Variants in RBFOX1 observed in about 807,000 individuals in gnomAD.
The protein encoded by RBFOX1 is RNA binding protein fox-1 homolog 1.
RBFOX1 carries 8 observed loss-of-function variants against 57.7 expected under a neutral mutation model. The observed-to-expected ratio is 0.14, with a 90% CI of 0.08 to 0.25. The LOEUF (loss-of-function observed/expected upper bound fraction) is 0.25, where lower values mean the gene tolerates loss of function less well. RBFOX1 is among the 10% of genes least tolerant of loss of function. The pLI, the probability that RBFOX1 is intolerant of heterozygous loss-of-function variation, is 1.00. For synonymous variants in RBFOX1, 326 were observed against 222.4 expected (o/e 1.47, Z -4.15); for missense variants, 611 against 548.5 (o/e 1.11, Z -1.14).
At chr16:7,030,571 T>G (rs1180861158) in intron 3 of RBFOX1, among the ~76,000 whole-genome samples, 1 of 152,182 alleles carries the variant, frequency 6.6e-6, no homozygotes, top group Non-Finnish European at 1.5e-5. Flanking sequence ...TGCTATTGTC[T>G]TTGTTTCTCT....
intron 2 of RBFOX1, among the ~76,000 whole-genome samples, chr16:5,483,358 C>T (rs1057308283): frequency 6.6e-6 from 1 of 152,238 alleles, no homozygotes. Flanking sequence ...CTGTCTGTGA[C>T]TGCTGCTCTT....
At chr16:6,125,979 A>G (rs983335661) in intron 1 of RBFOX1, among the ~76,000 whole-genome samples, 1 of 152,214 alleles carries the variant, frequency 6.6e-6, no homozygotes, top group Admixed American at 6.5e-5. Context: ...GTCTTCCATA[A>G]TAATTGCTTC....
At chr16:7,657,557 G>C (rs1430638094) in intron 12 of RBFOX1, among the ~76,000 whole-genome samples, 2 of 152,168 alleles carry the variant, frequency 1.3e-5, no homozygotes, top group Non-Finnish European at 2.9e-5. Flanking sequence ...CGCCCATCTG[G>C]GCCTCCCAAA....
intron 2 of RBFOX1, among the ~76,000 whole-genome samples, chr16:6,521,557 G>A (rs770668479): frequency 9.6e-4 from 135 of 140,844 alleles, no homozygotes; most frequent in Non-Finnish European, 1.5e-3. Flanking sequence ...TCCTTCCCTC[G>A]CTCTCTTTGT....
At chr16:7,699,732 A>C (rs1438040030) in intron 14 of RBFOX1, among the ~76,000 whole-genome samples, 1 of 151,320 alleles carries the variant, frequency 6.6e-6, no homozygotes, top group Non-Finnish European at 1.5e-5. Flanking sequence ...AAATGAGTTC[A>C]CCTTTTTTTT....
intron 4 of RBFOX1, among the ~76,000 whole-genome samples, chr16:7,147,363 G>T (rs371185174): frequency 3.4e-5 from 5 of 149,116 alleles, no homozygotes; most frequent in Non-Finnish European, 7.4e-5. Flanking sequence ...CTGCAGGTCT[G>T]TTACACAGGT....
intron 3 of RBFOX1, among the ~76,000 whole-genome samples, chr16:5,729,001 G>A (rs1020701376): frequency 4.6e-5 from 7 of 152,158 alleles, no homozygotes; most frequent in African/African-American, 9.7e-5. Context: ...AAATGTCTCC[G>A]CTGACAGGTG....
chr16:5,826,430 C>T (rs1177312838), intron 3 of RBFOX1, among the ~76,000 whole-genome samples: 1 of 152,120 alleles, frequency 6.6e-6, no homozygotes, highest in Non-Finnish European at 1.5e-5. Flanking sequence ...AGGTGGCAAA[C>T]TATTTCTGAA....
chr16:7,061,997 C>T (rs577411484), intron 4 of RBFOX1, among the ~76,000 whole-genome samples: 2 of 152,160 alleles, frequency 1.3e-5, no homozygotes, highest in East Asian at 3.9e-4. Context: ...CCTGATGATG[C>T]AGACAAACCT....
At position 6,163,459 on chromosome 16, in the gene RBFOX1, G is replaced by T. The variant is rs560728432; in HGVS notation, c.-127+143467G>T. 2.0e-5 allele frequency among the ~76,000 whole-genome samples: 3 copies of T among 152,314 alleles called. No homozygotes were observed. In the East Asian group the frequency reaches 5.8e-4, roughly 29 times the overall value. ...TATAGCCCTTGGTTATGCTAAATAC[G>T]TTAGTAGCTGAAAGTTTCCAGGACT... On this transcript the variant is annotated intron_variant, in intron 1 of 15. Transcript: ENST00000550418.
chr16:5,545,241 G>C (rs2045143171), intron 2 of RBFOX1, among the ~76,000 whole-genome samples: 1 of 152,242 alleles, frequency 6.6e-6, no homozygotes, highest in Non-Finnish European at 1.5e-5. Flanking sequence ...GCCTCCCAAA[G>C]TGCTGGGATT....
At chr16:6,548,824 C>T (rs1599513409) in intron 2 of RBFOX1, among the ~76,000 whole-genome samples, 1 of 151,984 alleles carries the variant, frequency 6.6e-6, no homozygotes, top group South Asian at 2.1e-4. Flanking sequence ...GCCTGTAATC[C>T]TAGCACTTTG....
chr16:6,623,633 C>T (rs1032720146), intron 2 of RBFOX1, among the ~76,000 whole-genome samples: 1 of 151,906 alleles, frequency 6.6e-6, no homozygotes. Context: ...TCTAATGTTC[C>T]CCTTCCTGTG....
chr16:5,627,261 C>G (rs927832707), intron 3 of RBFOX1, among the ~76,000 whole-genome samples: 3 of 152,150 alleles, frequency 2.0e-5, no homozygotes, highest in African/African-American at 4.8e-5. Flanking sequence ...ACCATCTTCT[C>G]TTCAAGATTT....
chr16:6,794,110 G>C (rs1369706455), intron 3 of RBFOX1, among the ~76,000 whole-genome samples: 1 of 152,048 alleles, frequency 6.6e-6, no homozygotes, highest in East Asian at 1.9e-4. Context: ...TAGGGAGCAT[G>C]GGATGAGGTG....
chr16:7,481,007 A>G (rs1481914493), intron 4 of RBFOX1, among the ~76,000 whole-genome samples: 1 of 152,144 alleles, frequency 6.6e-6, no homozygotes, highest in Non-Finnish European at 1.5e-5. Flanking sequence ...ATGATATCCA[A>G]GTGATATGGC....
chr16:6,052,817 A>ATAG (rs2095569398), intron 1 of RBFOX1, among the ~76,000 whole-genome samples: 2 of 148,146 alleles, frequency 1.4e-5, no homozygotes, highest in Non-Finnish European at 3.0e-5. Flanking sequence ...AATAATAATA[A>ATAG]TAATAATAAT....
intron 2 of RBFOX1, among the ~76,000 whole-genome samples, chr16:6,518,662 C>G (rs1053218224): frequency 6.6e-6 from 1 of 152,094 alleles, no homozygotes; most frequent in African/African-American, 2.4e-5. Context: ...TAAGGGCCAC[C>G]CGGAGTAACT....
At chr16:6,483,379 G>A in intron 2 of RBFOX1, 1 of 1,521,430 alleles carries the variant, frequency 6.6e-7, no homozygotes, top group Non-Finnish European at 8.8e-7. Flanking sequence ...CGCGCGGCGC[G>A]CACGACAGAT....
Sources: gnomAD v4.1 joint callset for allele counts (sites outside exome capture counted in the v4.1 genomes callset) on GRCh38, gnomAD v4.1.1 for gene constraint, MANE v1.5 for transcripts, NCBI Gene and HGNC (gene_info 2026-07-23, HGNC 2026-07-21) for gene names.